Variants in CLPB observed in about 807,000 individuals in gnomAD.
The protein encoded by CLPB is mitochondrial disaggregase.
A neutral mutation model predicts 78.4 loss-of-function variants in CLPB; 40 were observed. The observed-to-expected ratio is 0.51, with a 90% CI of 0.40 to 0.66. The LOEUF (loss-of-function observed/expected upper bound fraction) is 0.66, where lower values mean the gene tolerates loss of function less well. Among genes scored for constraint, CLPB ranks in the 30% least tolerant of loss-of-function variants. The pLI is 0.00. For synonymous variants in CLPB, 333 were observed against 348.0 expected, an observed-to-expected ratio of 0.96 and a Z score of 0.48; for missense variants, 780 against 886.9, an observed-to-expected ratio of 0.88 and a Z score of 1.53.
Position 72,293,226 on chromosome 11 carries a change from T to C in CLPB, c.*141A>G. On this transcript the variant is annotated 3_prime_UTR_variant, in exon 16 of 16. Transcript: ENST00000538039. ...CAGGTTTTGGGGCTGAGAAGGGGTC[T>C]TCATGGGCTGTGAGGAGGTAAGCAG... 9.3e-7 allele frequency: 1 copy of C among 1,079,200 alleles called. No individual in the cohort carries two copies. Among genetic ancestry groups the C allele is most frequent in the East Asian group, 2.5e-5 (1 of 39,452 alleles). The allele number at this position is 1,079,200 out of a possible 1,614,324, so 66.9% of individuals were successfully genotyped here. A position where few individuals can be genotyped will look rare whatever the true frequency, so the allele number is the denominator to read the frequency against.
intron 2 of CLPB, among the ~76,000 whole-genome samples, chr11:72,427,928 G>T (rs1007374024): frequency 6.6e-6 from 1 of 152,222 alleles, no homozygotes; most frequent in Non-Finnish European, 1.5e-5. Flanking sequence ...AGAGCAGCAT[G>T]AACCACCTGT....
At chr11:72,414,663 C>T (rs1855968968) in intron 2 of CLPB, among the ~76,000 whole-genome samples, 1 of 152,188 alleles carries the variant, frequency 6.6e-6, no homozygotes, top group Non-Finnish European at 1.5e-5. Context: ...ATCTTGCCTA[C>T]AAGGAGCTCT....
intron 4 of CLPB, among the ~76,000 whole-genome samples, chr11:72,369,145 C>T (rs577157602): frequency 5.3e-5 from 8 of 152,130 alleles, no homozygotes; most frequent in African/African-American, 1.7e-4. Flanking sequence ...ACAGTCAGTG[C>T]GGCATCCTCT....
At chr11:72,428,849 T>A (rs1363253240) in intron 2 of CLPB, 1 of 152,218 alleles carries the variant, frequency 6.6e-6, no homozygotes, top group Non-Finnish European at 1.5e-5. Flanking sequence ...GGTGTTTAAT[T>A]GCTATTAGAA....
At chr11:72,366,949 G>A (rs1272945561) in intron 4 of CLPB, among the ~76,000 whole-genome samples, 5 of 152,064 alleles carry the variant, frequency 3.3e-5, no homozygotes, top group Non-Finnish European at 5.9e-5. Context: ...CACTATTCAC[G>A]ATAGCAAAGA....
chr11:72,318,347 G>C (rs1949986675), intron 6 of CLPB, among the ~76,000 whole-genome samples: 1 of 152,218 alleles, frequency 6.6e-6, no homozygotes, highest in Non-Finnish European at 1.5e-5. Flanking sequence ...GAAGCTGGAG[G>C]AAGACTGGGC....
intron 5 of CLPB, among the ~76,000 whole-genome samples, chr11:72,356,562 T>C (rs1294140675): frequency 6.6e-6 from 1 of 151,930 alleles, no homozygotes; most frequent in Non-Finnish European, 1.5e-5. Context: ...AGTGGGTTAA[T>C]GGTTTTGGCC....
intron 3 of CLPB, among the ~76,000 whole-genome samples, chr11:72,383,940 G>C (rs774774585): frequency 6.6e-6 from 1 of 152,142 alleles, no homozygotes; most frequent in Admixed American, 6.5e-5. Flanking sequence ...AAACTCACTG[G>C]AAGCCTGAGA....
At chr11:72,401,444 A>T (rs924670287) in intron 3 of CLPB, among the ~76,000 whole-genome samples, 1 of 152,172 alleles carries the variant, frequency 6.6e-6, no homozygotes, top group Non-Finnish European at 1.5e-5. Flanking sequence ...CCGTCTCAAA[A>T]AAATAAATAA....
At chr11:72,355,736 T>C (rs1161495201) in intron 5 of CLPB, among the ~76,000 whole-genome samples, 2 of 152,200 alleles carry the variant, frequency 1.3e-5, no homozygotes, top group African/African-American at 4.8e-5. Context: ...ATTATCAGCC[T>C]GATGCTTCTG....
intron 14 of CLPB, 87 bp from the exon 15 acceptor site, chr11:72,294,213 C>T (rs900514368): frequency 3.1e-5 from 50 of 1,605,562 alleles, no homozygotes; most frequent in Non-Finnish European, 4.2e-5. Context: ...GGGCCACTGG[C>T]CCCACACCAC....
intron 2 of CLPB, among the ~76,000 whole-genome samples, chr11:72,409,871 G>C (rs188982673): frequency 5.9e-5 from 9 of 152,106 alleles, no homozygotes; most frequent in Non-Finnish European, 1.2e-4. Context: ...CAGCTACTCC[G>C]GAGGCTGAGG....
intron 4 of CLPB, among the ~76,000 whole-genome samples, chr11:72,364,059 A>G (rs1403470298): frequency 1.3e-5 from 2 of 152,210 alleles, no homozygotes; most frequent in Admixed American, 6.5e-5. Flanking sequence ...GGAGTTGTCT[A>G]CAACCCACCA....
intron 3 of CLPB, among the ~76,000 whole-genome samples, chr11:72,384,595 T>C (rs974101309): frequency 3.3e-5 from 5 of 152,088 alleles, no homozygotes; most frequent in Non-Finnish European, 5.9e-5. Context: ...AATAATTGCC[T>C]TGAATGTAAA....
intron 5 of CLPB, chr11:72,355,271 A>C (rs1950690582): frequency 6.6e-6 from 1 of 152,278 alleles, no homozygotes; most frequent in African/African-American, 2.4e-5. Flanking sequence ...TAAGAGAGAG[A>C]GGCCTTGAAG....
intron 3 of CLPB, among the ~76,000 whole-genome samples, chr11:72,386,408 C>T (rs1855078474): frequency 1.3e-5 from 2 of 152,146 alleles, no homozygotes; most frequent in Admixed American, 6.5e-5. Flanking sequence ...AATTACTTAT[C>T]GTAACTATTA....
At chr11:72,334,247 C>T (rs1248657038) in intron 5 of CLPB, among the ~76,000 whole-genome samples, 5 of 152,172 alleles carry the variant, frequency 3.3e-5, no homozygotes, top group Non-Finnish European at 7.4e-5. Context: ...GGGATGGGGA[C>T]AGGTAGGACA....
chr11:72,394,406 T>C lies in CLPB; in HGVS notation c.542+8560A>G, dbSNP rs1437958345. ...CCATAATGAACACTGGATGCTCTCCTATCCCCAACTGCCACTCTCCATAAT... is the reference window on the plus strand; with the variant it reads ...CCATAATGAACACTGGATGCTCTCCCATCCCCAACTGCCACTCTCCATAAT... On this transcript the variant is annotated intron_variant, in intron 3 of 15. Coordinates refer to ENST00000538039, the MANE Select transcript of CLPB (RefSeq NM_001258392.3). Among the ~76,000 whole-genome samples, 2 of 152,014 alleles carry C rather than the reference T, an allele frequency of 1.3e-5. 1 individual carries two copies. Among genetic ancestry groups the C allele is most frequent in the South Asian group, 4.2e-4 (2 of 4,816 alleles).
intron 6 of CLPB, among the ~76,000 whole-genome samples, chr11:72,318,000 C>T (rs555683973): frequency 2.0e-5 from 3 of 152,382 alleles, no homozygotes; most frequent in South Asian, 4.1e-4. Flanking sequence ...CACACAAATA[C>T]TTCGCAACCA....
Sources: allele counts gnomAD v4.1 joint callset (sites outside exome capture counted in the v4.1 genomes callset), GRCh38; gene constraint gnomAD v4.1.1; transcripts MANE v1.5; gene names NCBI Gene and HGNC (gene_info 2026-07-23, HGNC 2026-07-21).